The following CLEC4E variants were observed in gnomAD, a reference collection of about 807,000 sequenced individuals.
The protein encoded by CLEC4E is C-type (calcium dependent, carbohydrate-recognition domain) lectin, superfamily member 9.
Under a neutral mutation model 24.7 loss-of-function variants are expected in CLEC4E, and 21 were observed. The observed-to-expected ratio is 0.85, with a 90% confidence interval of 0.60 to 1.22. CLEC4E has a LOEUF of 1.22. Ranked by LOEUF, CLEC4E falls within the 50% of genes most tolerant of loss-of-function variation. The pLI is 0.00. For missense variants in CLEC4E, 249 were observed against 254.1 expected, an observed-to-expected ratio of 0.98 and a Z score of 0.14; for synonymous variants, 94 against 85.7, an observed-to-expected ratio of 1.10 and a Z score of -0.54.
At chr12:8,539,058 G>A in intron 3 of CLEC4E, 159 bp downstream of exon 3, 1 of 564,288 alleles carries the variant, frequency 1.8e-6, no homozygotes, top group Non-Finnish European at 3.1e-6. Context: ...AAGACTTTCT[G>A]CCCCAATGCT....
intron 4 of CLEC4E, 53 bp from the exon 5 acceptor site, chr12:8,536,258 G>T: frequency 1.9e-6 from 2 of 1,028,678 alleles, no homozygotes; most frequent in South Asian, 1.3e-5. Flanking sequence ...TTGAATAAAC[G>T]TTGCTAGTAA....
rs1368559014 is a variant in CLEC4E at position 8,537,238 on chromosome 12, G to A, written c.249C>T (p.Asn83=). Residue 83 remains asparagine (N), a synonymous_variant, in exon 4 of 6, where the codon AAC becomes AAT. Coordinates refer to ENST00000299663, the MANE Select transcript of CLEC4E (RefSeq NM_014358.4). ...AGCAGCTGGATTGAAAATATTCCCA[G>A]TTCAATGGACAACAATTCTTGACTG... The part of the protein sequence containing the change: ...SGSVKNCCPL[N]WEYFQSSCYF... 6.2e-7 allele frequency: 1 copy of A among 1,613,606 alleles called. No homozygotes were observed. Among genetic ancestry groups the A allele is most frequent in the Non-Finnish European group, 8.5e-7 (1 of 1,179,712 alleles).
At chr12:8,538,965 C>T in intron 3 of CLEC4E, 1 of 431,024 alleles carries the variant, frequency 2.3e-6, no homozygotes, top group Non-Finnish European at 4.1e-6. Flanking sequence ...AGGTACACTC[C>T]TGGGAATAAT....
At chr12:8,538,406 G>C (rs1213236810) in intron 3 of CLEC4E, among the ~76,000 whole-genome samples, 8 of 152,122 alleles carry the variant, frequency 5.3e-5, no homozygotes, top group Non-Finnish European at 2.9e-5. Context: ...TCTCTGCCTC[G>C]GCTGCCAGGC....
chr12:8,539,850 C>A lies in CLEC4E; in HGVS notation c.130+5G>T. The A allele has an allele frequency of 6.3e-7, 1 of 1,575,226 alleles. No individual in the cohort carries two copies. The highest frequency in any genetic ancestry group is 8.7e-7 in the Non-Finnish European group (1 of 1,144,636). On this transcript the variant is annotated splice_donor_5th_base_variant and intron_variant, in intron 2 of 5. Coordinates refer to ENST00000299663, the MANE Select transcript of CLEC4E (RefSeq NM_014358.4). ...ATTAAATTGAATTTGACCTTCAGAACCCACCAACACATCTGGTGATGAAAC... is the reference window on the plus strand; with the variant it reads ...ATTAAATTGAATTTGACCTTCAGAAACCACCAACACATCTGGTGATGAAAC...
At chr12:8,539,429 T>C (rs1441128927) in intron 2 of CLEC4E, 123 bp from the exon 3 acceptor site, 3 of 680,842 alleles carry the variant, frequency 4.4e-6, no homozygotes, top group Non-Finnish European at 2.6e-6. Flanking sequence ...ATCTGCTTTT[T>C]CTTACGACCC....
Position 8,534,775 on chromosome 12 carries a change from T to C in CLEC4E, c.523A>G (p.Thr175Ala), listed in dbSNP as rs180999307. ...CTCATGGTGGCACAGTCCTCCAGGG[T>C]AGCTATGTTGTTGGGCTCCCCTACA... ...WDVGEPNNIATLEDCATMRDS... is the reference protein window; with the variant it reads ...WDVGEPNNIAALEDCATMRDS... The change falls in exon 6 of 6, where the codon ACC becomes GCC. Residue 175 changes from threonine to alanine, a missense_variant. Physicochemically the swap from Thr to Ala is moderately conservative, Grantham distance 58. Transcript: ENST00000299663. 1.8e-4 allele frequency: 293 copies of C among 1,614,002 alleles called. 3 individuals carry two copies. In the East Asian group the frequency reaches 4.8e-3, roughly 27 times the overall value.
intron 5 of CLEC4E, 142 bp downstream of exon 5, chr12:8,535,948 T>G: frequency 2.1e-6 from 1 of 467,270 alleles, no homozygotes. Context: ...AGGAGAGAAG[T>G]GGGTGCTTGT....
chr12:8,539,175 TTGC>T, intron 3 of CLEC4E, 39 bp downstream of exon 3: 1 of 1,357,614 alleles, frequency 7.4e-7, no homozygotes, highest in Non-Finnish European at 1.1e-6. Context: ...CCAGAAAATG[TTGC>T]TTTGTAAATT....
chr12:8,534,916 G>A, intron 5 of CLEC4E, 107 bp from the exon 6 acceptor site: 1 of 960,588 alleles, frequency 1.0e-6, no homozygotes, highest in African/African-American at 1.7e-5. Flanking sequence ...CAACAATTTT[G>A]CGAGGTAGGT....
chr12:8,534,421 T>G lies in CLEC4E; in HGVS notation c.*217A>C, dbSNP rs927274601. Reference sequence around the variant, plus strand: ...AAAGGTAGTGAATTGCTTTGTAAATTCTGGGAAGAGGACCTGAGACTAACG... The same window carrying G: ...AAAGGTAGTGAATTGCTTTGTAAATGCTGGGAAGAGGACCTGAGACTAACG... On this transcript the variant is annotated 3_prime_UTR_variant, in exon 6 of 6. Coordinates refer to ENST00000299663, the MANE Select transcript of CLEC4E (RefSeq NM_014358.4). The G allele has an allele frequency of 1.4e-5, 5 of 366,250 alleles. No individual in the cohort carries two copies. Among genetic ancestry groups the G allele is most frequent in the African/African-American group, 1.1e-4 (5 of 47,534 alleles). 22.7% of individuals were successfully genotyped at this position (366,250 alleles called of 1,614,324 possible).
In CLEC4E at chr12:8,534,639, T is replaced by TA. The variant is rs747214654; in HGVS notation, c.658dup (p.Ter220LeufsTer37). The TA allele has an allele frequency of 8.1e-6, 13 of 1,612,418 alleles. No individual in the cohort carries two copies. In the South Asian group the frequency reaches 1.4e-4, roughly 18 times the overall value. The stretch of plus-strand genomic sequence containing the variant: ...ACATTTGAGTTGTGCCTTCTGTTCT[T>TA]AAAGAGATTTTCCTTTGTTCAAAGG... On this transcript the variant is annotated frameshift_variant and stop_lost, in exon 6 of 6. Coordinates refer to ENST00000299663, the MANE Select transcript of CLEC4E (RefSeq NM_014358.4). LOFTEE classifies it high-confidence loss of function.
intron 4 of CLEC4E, 51 bp from the exon 5 acceptor site, chr12:8,536,256 A>C (rs779815027): frequency 1.9e-6 from 2 of 1,040,046 alleles, no homozygotes; most frequent in Non-Finnish European, 3.0e-6. Context: ...TTTTGAATAA[A>C]CGTTGCTAGT....
chr12:8,538,065 G>A (rs914782756), intron 3 of CLEC4E, among the ~76,000 whole-genome samples: 6 of 152,200 alleles, frequency 3.9e-5, no homozygotes, highest in Admixed American at 6.5e-5. Flanking sequence ...GTGGTCTAGC[G>A]GTAGCGTTAA....
intron 2 of CLEC4E, among the ~76,000 whole-genome samples, 167 bp from the exon 3 acceptor site, chr12:8,539,473 G>A (rs1940665151): frequency 6.6e-6 from 1 of 152,050 alleles, no homozygotes; most frequent in African/African-American, 2.4e-5. Flanking sequence ...TACCTCTTAT[G>A]CCAAGTCCAA....
chr12:8,536,169 ACT>A lies in CLEC4E; in HGVS notation c.407_408del (p.Glu136ValfsTer58), dbSNP rs1565495644. On this transcript the variant is annotated frameshift_variant, in exon 5 of 6. Transcript: ENST00000299663. LOFTEE classifies it high-confidence loss of function. ...FLSYKKPKMREFFIGLSDQVV... is the reference protein window; with the variant it reads ...FLSYKKPKMRXFFIGLSDQVV... ...ACCTGGTCTGACAGTCCAATAAAAAACTCTCTCATTTTAGGTTTCTTGTAGGA... is the reference window on the plus strand; with the variant it reads ...ACCTGGTCTGACAGTCCAATAAAAAACTCTCATTTTAGGTTTCTTGTAGGA... 2.5e-6 allele frequency: 4 copies of A among 1,611,908 alleles called. No homozygotes were observed. The highest frequency in any genetic ancestry group is 1.7e-5 in the Admixed American group (1 of 59,878).
intron 1 of CLEC4E, 91 bp from the exon 2 acceptor site, chr12:8,540,038 C>A (rs1940676630): frequency 1.2e-6 from 1 of 836,744 alleles, no homozygotes. Context: ...TACTTATTTC[C>A]TTCTACTTCC....
intron 3 of CLEC4E, 107 bp downstream of exon 3, chr12:8,539,110 G>GA (rs756992917): frequency 1.3e-6 from 1 of 745,190 alleles, no homozygotes; most frequent in South Asian, 1.8e-5. Flanking sequence ...TTTTGCTTTT[G>GA]AAAAATAAGA....
In CLEC4E at chr12:8,539,270, T is replaced by A; in HGVS notation, c.167A>T (p.Lys56Met). 1 of 1,613,388 alleles carries A rather than the reference T, an allele frequency of 6.2e-7. No individual in the cohort carries two copies. Among genetic ancestry groups the A allele is most frequent in the Non-Finnish European group, 8.5e-7 (1 of 1,179,446 alleles). ...TGTGAAATTCTCAGGTAGCTGAAACTTTTTCTCATCACAGGTTTGAAAGAT... is the reference window on the plus strand; with the variant it reads ...TGTGAAATTCTCAGGTAGCTGAAACATTTTCTCATCACAGGTTTGAAAGAT... ...FRIFQTCDEK[K>M]FQLPENFTEL... The change falls in exon 3 of 6, where the codon AAG (lysine) becomes ATG (methionine). Residue 56 changes from lysine to methionine, a missense_variant. Physicochemically the swap from Lys to Met is moderately conservative, Grantham distance 95. Transcript: ENST00000299663.
Sources: allele counts gnomAD v4.1 joint callset (sites outside exome capture counted in the v4.1 genomes callset), GRCh38; gene constraint gnomAD v4.1.1; transcripts MANE v1.5; gene names NCBI Gene and HGNC (gene_info 2026-07-23, HGNC 2026-07-21).